The following MOXD1 variants were observed in gnomAD, a reference collection of about 807,000 sequenced individuals.
MOXD1 encodes monooxygenase DBH like 1, also known as DBH-like monooxygenase protein 1.
Under a neutral mutation model 66.6 loss-of-function variants are expected in MOXD1, and 62 were observed. The ratio of observed to expected loss-of-function variants is 0.93; its 90% CI spans 0.76 to 1.15. The LOEUF (loss-of-function observed/expected upper bound fraction) is 1.15, where lower values mean the gene tolerates loss of function less well. MOXD1 is among the 50% of genes most tolerant of loss of function. The pLI, the probability that MOXD1 is intolerant of heterozygous loss-of-function variation, is 0.00. For missense variants in MOXD1, 847 were observed against 754.6 expected, an observed-to-expected ratio of 1.12 and a Z score of -1.44; for synonymous variants, 303 against 281.9, an observed-to-expected ratio of 1.07 and a Z score of -0.75.
At chr6:132,367,131 T>G (rs1271520343) in intron 4 of MOXD1, among the ~76,000 whole-genome samples, 1 of 152,050 alleles carries the variant, frequency 6.6e-6, no homozygotes, top group Admixed American at 6.6e-5. Flanking sequence ...CAACTTCACA[T>G]TTCTCCAAAG....
intron 4 of MOXD1, among the ~76,000 whole-genome samples, chr6:132,355,639 C>T (rs564269174): frequency 2.0e-3 from 310 of 152,246 alleles, no homozygotes; most frequent in Non-Finnish European, 3.4e-3. Flanking sequence ...GCCTCCTAGA[C>T]CTGCTTACAA....
At chr6:132,357,353 C>G (rs1342822023) in intron 4 of MOXD1, among the ~76,000 whole-genome samples, 1 of 152,052 alleles carries the variant, frequency 6.6e-6, no homozygotes, top group Non-Finnish European at 1.5e-5. Context: ...GAAAAAAGAA[C>G]TTAGTTCTCT....
intron 4 of MOXD1, among the ~76,000 whole-genome samples, chr6:132,357,106 A>T (rs933043772): frequency 5.6e-4 from 85 of 152,198 alleles, no homozygotes; most frequent in African/African-American, 1.9e-3. Context: ...AACAGTTGTG[A>T]CCTCTTTGCA....
chr6:132,304,219 T>A (rs976645011), intron 10 of MOXD1, among the ~76,000 whole-genome samples: 1 of 152,068 alleles, frequency 6.6e-6, no homozygotes, highest in Non-Finnish European at 1.5e-5. Flanking sequence ...CTTCCAATTG[T>A]ACCTTCTACT....
chr6:132,332,818 G>T (rs1359931269), intron 4 of MOXD1, among the ~76,000 whole-genome samples: 1 of 152,180 alleles, frequency 6.6e-6, no homozygotes, highest in Non-Finnish European at 1.5e-5. Flanking sequence ...ACAAACTTGT[G>T]TTTTAAACTA....
chr6:132,339,783 T>A (rs939311104), intron 4 of MOXD1, among the ~76,000 whole-genome samples: 28 of 152,062 alleles, frequency 1.8e-4, no homozygotes, highest in African/African-American at 6.8e-4. Flanking sequence ...AAGTCTGTGC[T>A]GCCATTTCTC....
chr6:132,395,739 G>A (rs1481636174), intron 1 of MOXD1, among the ~76,000 whole-genome samples: 1 of 152,126 alleles, frequency 6.6e-6, no homozygotes, highest in Non-Finnish European at 1.5e-5. Context: ...CTTATATCAG[G>A]TGAAACATAC....
chr6:132,394,608 G>C (rs887861902), intron 1 of MOXD1, among the ~76,000 whole-genome samples: 1 of 136,594 alleles, frequency 7.3e-6, no homozygotes, highest in Non-Finnish European at 1.5e-5. Context: ...ATTTACCAAA[G>C]AGATAGATGT....
At chr6:132,399,741 C>T (rs192302850) in intron 1 of MOXD1, among the ~76,000 whole-genome samples, 1 of 152,266 alleles carries the variant, frequency 6.6e-6, no homozygotes, top group Non-Finnish European at 1.5e-5. Context: ...AGTTAAGGGG[C>T]ATACTATACT....
chr6:132,398,243 G>A (rs1776941491), intron 1 of MOXD1, among the ~76,000 whole-genome samples: 1 of 152,096 alleles, frequency 6.6e-6, no homozygotes, highest in Non-Finnish European at 1.5e-5. Flanking sequence ...TTGGACTTGT[G>A]ACATCTATTA....
At chr6:132,385,318 C>T (rs1582608274) in intron 1 of MOXD1, among the ~76,000 whole-genome samples, 1 of 152,188 alleles carries the variant, frequency 6.6e-6, no homozygotes, top group Non-Finnish European at 1.5e-5. Flanking sequence ...ACCTCAGAAA[C>T]TTCACGCTCA....
chr6:132,327,206 A>G (rs1032810483), intron 6 of MOXD1, among the ~76,000 whole-genome samples: 1 of 152,048 alleles, frequency 6.6e-6, no homozygotes, highest in Non-Finnish European at 1.5e-5. Context: ...CCAATTAAAT[A>G]CTCTCATAGT....
intron 1 of MOXD1, among the ~76,000 whole-genome samples, chr6:132,387,768 A>T (rs1776682595): frequency 6.7e-6 from 1 of 150,296 alleles, no homozygotes; most frequent in Non-Finnish European, 1.5e-5. Flanking sequence ...AAAAAAAAAA[A>T]AAAAAAAGAG....
At chr6:132,374,980 T>G in intron 1 of MOXD1, 2 of 603,996 alleles carry the variant, frequency 3.3e-6, no homozygotes, top group South Asian at 4.1e-5. Flanking sequence ...CAGGAAAGCA[T>G]AGTGTAGACT....
At chr6:132,307,958 A>G (rs1292932472) in intron 10 of MOXD1, among the ~76,000 whole-genome samples, 1 of 152,104 alleles carries the variant, frequency 6.6e-6, no homozygotes, top group African/African-American at 2.4e-5. Context: ...GTTAAAAGAG[A>G]TAGAGAGGCA....
rs147753864 is a variant in MOXD1 at position 132,318,010 on chromosome 6, C to T, written c.1366-2233G>A. Among the ~76,000 whole-genome samples, 40 of 152,218 alleles carry T rather than the reference C, an allele frequency of 2.6e-4. 1 individual carries two copies. In the East Asian group the frequency reaches 7.7e-3, roughly 29 times the overall value. ...CAACATTATTTGTTCTTCAGATACA[C>T]TCAAGTTAATATAGGCAGCTTTCAT... On this transcript the variant is annotated intron_variant, in intron 9 of 11. Transcript: ENST00000367963.
intron 1 of MOXD1, among the ~76,000 whole-genome samples, chr6:132,384,507 C>A (rs891760487): frequency 2.0e-5 from 3 of 152,108 alleles, no homozygotes; most frequent in Admixed American, 1.3e-4. Flanking sequence ...AAATATCCAA[C>A]AATTTTTAGA....
At chr6:132,387,766 A>AG (rs1472236601) in intron 1 of MOXD1, among the ~76,000 whole-genome samples, 3 of 150,220 alleles carry the variant, frequency 2.0e-5, no homozygotes, top group African/African-American at 7.3e-5. Context: ...AAAAAAAAAA[A>AG]AAAAAAAAAG....
At chr6:132,384,071 A>AAAAAAATGAATTATC in intron 1 of MOXD1, among the ~76,000 whole-genome samples, 1 of 152,200 alleles carries the variant, frequency 6.6e-6, no homozygotes, top group East Asian at 1.9e-4. Flanking sequence ...TCTGTCTCAA[A>AAAAAAATGAATTATC]AAAAAATGAA....
Sources: gnomAD v4.1 joint callset for allele counts (sites outside exome capture counted in the v4.1 genomes callset) on GRCh38, gnomAD v4.1.1 for gene constraint, MANE v1.5 for transcripts, NCBI Gene and HGNC (gene_info 2026-07-23, HGNC 2026-07-21) for gene names.